The following NPC1 variants were observed in gnomAD, a reference collection of about 807,000 sequenced individuals.
NPC1 encodes Niemann-Pick C1 protein.
NPC1 carries 85 observed loss-of-function variants against 140.4 expected under a neutral mutation model. That is an observed-to-expected ratio of 0.61 (90% CI 0.51 to 0.72). The LOEUF is 0.72. NPC1 is among the 30% of genes least tolerant of loss of function. The pLI is 0.00. For synonymous variants in NPC1, 656 were observed against 624.8 expected (o/e 1.05, Z -0.74); for missense variants, 1,504 against 1,623.8 (o/e 0.93, Z 1.27).
Position 23,539,960 on chromosome 18 carries a change from G to C in NPC1, c.2646C>G (p.Tyr882Ter). The C allele has an allele frequency of 6.2e-7, 1 of 1,614,196 alleles. No individual in the cohort carries two copies. The highest frequency in any genetic ancestry group is 8.5e-7 in the Non-Finnish European group (1 of 1,180,024). ...MVDYFKSISQ[Y>*]LHAGPPVYFV... ...AGTACACAGGCGGACCCGCATGCAGGTACTGACTGATGGATTTGAAATAAT... is the reference window on the plus strand; with the variant it reads ...AGTACACAGGCGGACCCGCATGCAGCTACTGACTGATGGATTTGAAATAAT... Residue 882 changes from tyrosine to a stop codon, truncating the protein, a stop_gained, in exon 18 of 25, where the codon TAC (tyrosine) becomes TAG (stop). Coordinates refer to ENST00000269228, the MANE Select transcript of NPC1 (RefSeq NM_000271.5). LOFTEE classifies it high-confidence loss of function.
downstream of NPC1, chr18:23,526,911 C>G (rs909061605): frequency 6.8e-6 from 7 of 1,028,732 alleles, no homozygotes; most frequent in Middle Eastern, 3.1e-4. Flanking sequence ...ATGTGACCCC[C>G]TAGGAAAGGC....
At chr18:23,508,500 A>G (rs2057769094) in intron 3 of NPC1, among the ~76,000 whole-genome samples, 1 of 152,078 alleles carries the variant, frequency 6.6e-6, no homozygotes, top group African/African-American at 2.4e-5. Context: ...GTTGATTCTA[A>G]TCCACATTAA....
intron 3 of NPC1, among the ~76,000 whole-genome samples, chr18:23,514,429 C>T (rs943788117): frequency 3.9e-5 from 6 of 152,064 alleles, no homozygotes; most frequent in Admixed American, 6.6e-5. Flanking sequence ...TGGTGGTGGG[C>T]GCCTATAATC....
chr18:23,564,618 C>T (rs1326613174), intron 4 of NPC1, among the ~76,000 whole-genome samples: 4 of 152,138 alleles, frequency 2.6e-5, no homozygotes, highest in African/African-American at 9.7e-5. Flanking sequence ...TCACTGTGCC[C>T]GGCCTTCTTG....
At chr18:23,552,497 T>C (rs965231300) in intron 9 of NPC1, among the ~76,000 whole-genome samples, 4 of 152,206 alleles carry the variant, frequency 2.6e-5, no homozygotes, top group East Asian at 3.9e-4. Flanking sequence ...GGGAAAGAAA[T>C]GTCATGAGCT....
At chr18:23,528,185 A>G (rs1250539116), downstream of NPC1, 7 of 263,086 alleles carry the variant, frequency 2.7e-5, no homozygotes, top group Non-Finnish European at 4.3e-5. Context: ...GTCTACTGTT[A>G]TAGATGAGAA....
At chr18:23,536,150 C>T (rs1003874760) in intron 21 of NPC1, among the ~76,000 whole-genome samples, 3 of 152,206 alleles carry the variant, frequency 2.0e-5, no homozygotes, top group African/African-American at 7.2e-5. Context: ...CCAGGCCTTC[C>T]TGCTTTAAGC....
At chr18:23,543,347 GAA>G in intron 14 of NPC1, 106 bp downstream of exon 14, 82 of 402,532 alleles carry the variant, frequency 2.0e-4, no homozygotes, top group Middle Eastern at 6.1e-4. Context: ...AAAAAAAAAA[GAA>G]AAAAAAAAAA....
At chr18:23,555,202 G>A (rs993740897) in intron 8 of NPC1, among the ~76,000 whole-genome samples, 3 of 152,208 alleles carry the variant, frequency 2.0e-5, no homozygotes, top group Admixed American at 2.0e-4. Context: ...CCACAGAGGC[G>A]GCGAGGGGTA....
At chr18:23,540,919 AT>A in intron 16 of NPC1, 148 bp downstream of exon 16, 1 of 867,960 alleles carries the variant, frequency 1.2e-6, no homozygotes, top group Non-Finnish European at 1.9e-6. Flanking sequence ...AAAACATTTT[AT>A]CTACTGTTCC....
chr18:23,578,999 A>C (rs1041900219), intron 1 of NPC1, among the ~76,000 whole-genome samples: 1 of 152,074 alleles, frequency 6.6e-6, no homozygotes, highest in African/African-American at 2.4e-5. Flanking sequence ...GGTGCTCAGA[A>C]ACCTCCAACC....
At chr18:23,584,902 G>T (rs1037455322) in intron 1 of NPC1, among the ~76,000 whole-genome samples, 1 of 152,150 alleles carries the variant, frequency 6.6e-6, no homozygotes, top group African/African-American at 2.4e-5. Flanking sequence ...AACTCTAGGA[G>T]GGGCCAGGAG....
rs2059232891 is a variant in NPC1, at chr18:23,573,526, C to T, written c.106G>A (p.Gly36Arg). The change falls in exon 2 of 25, where the codon GGG (glycine) becomes AGG (arginine). Residue 36 changes from glycine (G) to arginine (R), a missense_variant. Gly to Arg is a moderately radical substitution (Grantham distance 125). Transcript: ENST00000269228. The stretch of plus-strand genomic sequence containing the variant: ...TATTCGCAATTGTACCTCTTGTCCC[C>T]ATATGCAATTCCACACTCTCCATAC... ...VWYGECGIAY[G>R]DKRYNCEYSG... is the part of the protein sequence containing the mutation. 1.2e-6 allele frequency: 2 copies of T among 1,614,142 alleles called. No individual in the cohort carries two copies. The highest frequency in any genetic ancestry group is 1.7e-5 in the Admixed American group (1 of 60,020).
rs191545738 is a variant in NPC1, at chr18:23,576,361, G to T, written c.58-2787C>A. ...AGCTTGAACCCAGGAGGTTGAGGCTGCAGTGAGCTGAGATAGCACCTCTGC... is the reference window on the plus strand; with the variant it reads ...AGCTTGAACCCAGGAGGTTGAGGCTTCAGTGAGCTGAGATAGCACCTCTGC... On this transcript the variant is annotated intron_variant, in intron 1 of 24. Transcript: ENST00000269228. The T allele has an allele frequency of 2.3e-4, 98 of 422,644 alleles. 1 individual carries two copies. The East Asian group carries it at 9.9e-3, about 43-fold the overall frequency. 26.2% of individuals were successfully genotyped at this position (422,644 alleles called of 1,614,324 possible).
chr18:23,572,766 G>A (rs2059221995), intron 2 of NPC1, among the ~76,000 whole-genome samples: 17 of 152,152 alleles, frequency 1.1e-4, no homozygotes, highest in Admixed American at 1.1e-3. Context: ...TCAGGAGGTC[G>A]AGGACACAGT....
chr18:23,523,526 C>T (rs2058199272), intron 1 of NPC1, among the ~76,000 whole-genome samples: 1 of 100,372 alleles, frequency 1.0e-5, no homozygotes, highest in South Asian at 3.4e-4. Flanking sequence ...GCCTAGGTAA[C>T]ATAGACCTTG....
intron 6 of NPC1, 38 bp downstream of exon 6, chr18:23,560,193 T>C: frequency 6.2e-7 from 1 of 1,613,562 alleles, no homozygotes. Context: ...TGGGCAATTT[T>C]GCTCTTTTTG....
At chr18:23,560,172 C>G in intron 6 of NPC1, 59 bp downstream of exon 6, 8 of 1,608,902 alleles carry the variant, frequency 5.0e-6, no homozygotes, top group Non-Finnish European at 6.8e-6. Context: ...AATGAAAGCT[C>G]AAAGTGCCAG....
chr18:23,573,266 G>A (rs906091326), intron 2 of NPC1, among the ~76,000 whole-genome samples, 186 bp downstream of exon 2: 2 of 152,216 alleles, frequency 1.3e-5, no homozygotes, highest in Non-Finnish European at 2.9e-5. Context: ...GAAAAATTAA[G>A]CCTTTGGAGT....
Sources: gnomAD v4.1 joint callset for allele counts (sites outside exome capture counted in the v4.1 genomes callset) on GRCh38, gnomAD v4.1.1 for gene constraint, MANE v1.5 for transcripts, NCBI Gene and HGNC (gene_info 2026-07-23, HGNC 2026-07-21) for gene names.